The following TLE1 variants were observed in gnomAD, a reference collection of about 807,000 sequenced individuals.
TLE1 encodes transducin-like enhancer protein 1.
In TLE1, 21 loss-of-function variants were observed where a neutral mutation model predicts 89.8. The ratio of observed to expected loss-of-function variants is 0.23; its 90% CI spans 0.17 to 0.34. The LOEUF is 0.34. Ranked by LOEUF, TLE1 falls within the 10% of genes least tolerant of loss-of-function variation. The pLI, the probability that TLE1 is intolerant of heterozygous loss-of-function variation, is 1.00. For missense variants in TLE1, 795 were observed against 1,031.2 expected, an observed-to-expected ratio of 0.77 and a Z score of 3.14; for synonymous variants, 447 against 407.6, an observed-to-expected ratio of 1.10 and a Z score of -1.16.
At chr9:81,673,725 G>A (rs140093317) in intron 4 of TLE1, among the ~76,000 whole-genome samples, 16 of 152,218 alleles carry the variant, frequency 1.1e-4, no homozygotes, top group African/African-American at 3.4e-4. Context: ...GGCTTCTGGC[G>A]GACCAATTCC....
At chr9:81,650,950 G>T (rs917507009) in intron 6 of TLE1, among the ~76,000 whole-genome samples, 2 of 152,274 alleles carry the variant, frequency 1.3e-5, no homozygotes, top group South Asian at 2.1e-4. Flanking sequence ...ATCTGCAATT[G>T]AGAAACTGAT....
intron 8 of TLE1, among the ~76,000 whole-genome samples, chr9:81,632,475 C>CAT (rs755927190): frequency 1.4e-4 from 11 of 79,910 alleles, no homozygotes; most frequent in African/African-American, 3.2e-4. Flanking sequence ...TTCAGTATCC[C>CAT]TTTTTTTTTT....
At chr9:81,615,402 GAAC>G (rs1824344771) in intron 11 of TLE1, among the ~76,000 whole-genome samples, 1 of 151,358 alleles carries the variant, frequency 6.6e-6, no homozygotes, top group Non-Finnish European at 1.5e-5. Flanking sequence ...TGTGTGGCAA[GAAC>G]ATATCCCCCA....
At chr9:81,682,446 G>C (rs573910871) in intron 4 of TLE1, among the ~76,000 whole-genome samples, 24 of 152,254 alleles carry the variant, frequency 1.6e-4, no homozygotes, top group African/African-American at 5.5e-4. Context: ...AAATCACATT[G>C]AAAACTGTTC....
intron 6 of TLE1, among the ~76,000 whole-genome samples, chr9:81,651,218 T>C (rs1306981062): frequency 2.6e-5 from 4 of 152,192 alleles, no homozygotes; most frequent in East Asian, 3.9e-4. Flanking sequence ...AATGAGTGAT[T>C]TGAATCTGCT....
intron 4 of TLE1, among the ~76,000 whole-genome samples, chr9:81,675,405 T>C (rs1832748941): frequency 1.3e-5 from 2 of 152,090 alleles, no homozygotes. Flanking sequence ...TGAGAGAAGC[T>C]TGTCATGCAA....
chr9:81,610,942 C>A lies in TLE1; in HGVS notation c.1255-646G>T, dbSNP rs1455823561. Reference sequence around the variant, plus strand: ...GACCACCTTACTTTCAACACTTTGCCCGCCACTGCACAGCCTCTCCTACAA... The same window carrying A: ...GACCACCTTACTTTCAACACTTTGCACGCCACTGCACAGCCTCTCCTACAA... On this transcript the variant is annotated intron_variant, in intron 13 of 19. Coordinates refer to ENST00000376499, the MANE Select transcript of TLE1 (RefSeq NM_005077.5). 3.3e-4 allele frequency among the ~76,000 whole-genome samples: 50 copies of A among 152,114 alleles called. 1 individual carries two copies. Among genetic ancestry groups the A allele is most frequent in the Non-Finnish European group, 2.9e-5 (2 of 68,018 alleles).
intron 8 of TLE1, among the ~76,000 whole-genome samples, chr9:81,621,847 G>A (rs1315319330): frequency 1.3e-5 from 2 of 152,116 alleles, no homozygotes; most frequent in African/African-American, 2.4e-5. Flanking sequence ...CTCTTGGCCC[G>A]CCTCAGGGAC....
At chr9:81,679,225 A>C (rs80347443) in intron 4 of TLE1, among the ~76,000 whole-genome samples, 3,472 of 152,292 alleles carry the variant, frequency 0.023, 146 homozygotes, top group African/African-American at 0.078. Flanking sequence ...ATCATATATC[A>C]ACACTTCCTG....
intron 1 of TLE1, 63 bp downstream of exon 1, chr9:81,688,154 C>A: frequency 6.3e-7 from 1 of 1,589,848 alleles, no homozygotes; most frequent in Non-Finnish European, 8.6e-7. Context: ...AGTCTCCCTA[C>A]CGCCCGGGAG....
rs570243156 is a variant in TLE1, at chr9:81,682,026, A to G, written c.234+3650T>C. Reference sequence around the variant, plus strand: ...TTTGGGAGGCCAAGGTGGGTGGATCACTTGAGGTCAGGAGTTCGAAACCAG... The same window carrying G: ...TTTGGGAGGCCAAGGTGGGTGGATCGCTTGAGGTCAGGAGTTCGAAACCAG... On this transcript the variant is annotated intron_variant, in intron 4 of 19. Transcript: ENST00000376499. Among the ~76,000 whole-genome samples, 76 of 151,972 alleles carry G rather than the reference A, an allele frequency of 5.0e-4. 1 individual carries two copies. The highest frequency in any genetic ancestry group is 9.6e-4 in the Non-Finnish European group (65 of 67,980).
chr9:81,684,146 A>AT lies in TLE1; in HGVS notation c.234+1529dup, dbSNP rs1388584171. ...CAAAAAAAAGTGCCCTTCAGAGTAA[A>AT]TTAAAAAAAAAAAAAAAGATTAAAC... On this transcript the variant is annotated intron_variant, in intron 4 of 19. Transcript: ENST00000376499. 1.7e-3 allele frequency among the ~76,000 whole-genome samples: 263 copies of AT among 150,690 alleles called. 1 individual carries two copies. Among genetic ancestry groups the AT allele is most frequent in the African/African-American group, 5.7e-3 (237 of 41,342 alleles).
intron 6 of TLE1, among the ~76,000 whole-genome samples, chr9:81,644,982 T>TA (rs1267996765): frequency 1.8e-5 from 2 of 109,334 alleles, no homozygotes; most frequent in African/African-American, 3.8e-5. Context: ...GCCTGGGTGA[T>TA]AGAGTGAGAC....
At chr9:81,588,800 G>C (rs1443961159) in intron 16 of TLE1, among the ~76,000 whole-genome samples, 1 of 152,130 alleles carries the variant, frequency 6.6e-6, no homozygotes, top group African/African-American at 2.4e-5. Context: ...GCGGGATCCA[G>C]TAAAGAACTG....
intron 16 of TLE1, 81 bp downstream of exon 16, chr9:81,590,724 C>T (rs1829364361): frequency 6.4e-7 from 1 of 1,554,450 alleles, no homozygotes; most frequent in Non-Finnish European, 8.7e-7. Flanking sequence ...GTGTGGGCTG[C>T]AGGCAGCCAG....
chr9:81,621,297 A>G (rs990512680), intron 8 of TLE1, among the ~76,000 whole-genome samples: 8 of 152,126 alleles, frequency 5.3e-5, no homozygotes, highest in African/African-American at 1.2e-4. Context: ...GGCATTTTAG[A>G]TATTTTGGGG....
intron 8 of TLE1, among the ~76,000 whole-genome samples, chr9:81,626,841 G>A (rs1006527568): frequency 6.6e-6 from 1 of 152,006 alleles, no homozygotes; most frequent in Non-Finnish European, 1.5e-5. Flanking sequence ...CCTCCTCCAG[G>A]CAAAACAAAA....
intron 9 of TLE1, among the ~76,000 whole-genome samples, chr9:81,620,040 TCA>T (rs1016758734): frequency 2.8e-4 from 43 of 152,260 alleles, no homozygotes; most frequent in East Asian, 1.7e-3. Flanking sequence ...GCTACTAAAT[TCA>T]CAGAGTCCAG....
At chr9:81,675,085 C>T (rs1418385081) in intron 4 of TLE1, among the ~76,000 whole-genome samples, 1 of 152,134 alleles carries the variant, frequency 6.6e-6, no homozygotes, top group East Asian at 1.9e-4. Flanking sequence ...TAAAGAAAGG[C>T]CTGATCCTCT....
Sources: allele counts gnomAD v4.1 joint callset (sites outside exome capture counted in the v4.1 genomes callset), GRCh38; gene constraint gnomAD v4.1.1; transcripts MANE v1.5; gene names NCBI Gene and HGNC (gene_info 2026-07-23, HGNC 2026-07-21).